Variants in PLXDC2 observed in about 807,000 individuals in gnomAD.
PLXDC2 encodes the protein plexin domain-containing protein 2.
A neutral mutation model predicts 68.9 loss-of-function variants in PLXDC2; 40 were observed. That is an observed-to-expected ratio of 0.58 (90% CI 0.45 to 0.76). The LOEUF (loss-of-function observed/expected upper bound fraction) is 0.76. PLXDC2 is among the 30% of genes least tolerant of loss of function. The pLI is 0.00. For missense variants in PLXDC2, 644 were observed against 661.9 expected (o/e 0.97, Z 0.30); for synonymous variants, 243 against 234.2 (o/e 1.04, Z -0.34).
At chr10:19,970,460 T>C (rs939538002) in intron 1 of PLXDC2, among the ~76,000 whole-genome samples, 2 of 152,218 alleles carry the variant, frequency 1.3e-5, no homozygotes, top group Middle Eastern at 3.2e-3. Flanking sequence ...ATAACTGTCA[T>C]GTGAACTTAA....
At chr10:19,999,620 G>T (rs1420886122) in intron 1 of PLXDC2, among the ~76,000 whole-genome samples, 1 of 152,080 alleles carries the variant, frequency 6.6e-6, no homozygotes, top group Non-Finnish European at 1.5e-5. Flanking sequence ...GCTATGTCAG[G>T]GGTGTAACTT....
intron 1 of PLXDC2, among the ~76,000 whole-genome samples, chr10:19,964,589 T>G (rs1480182185): frequency 6.6e-6 from 1 of 152,210 alleles, no homozygotes; most frequent in Non-Finnish European, 1.5e-5. Context: ...CTCTGAGCCT[T>G]GGGTGTGGGT....
Position 20,284,330 on chromosome 10 carries a change from T to TATATATATAAAC in PLXDC2, c.*4512_*4513insTATATATAAACA, listed in dbSNP as rs1484131963. 7.9e-6 allele frequency: 1 copy of TATATATATAAAC among 126,352 alleles called. No individual in the cohort carries two copies. The allele number at this position is 126,352 out of a possible 1,614,324, so 7.8% of individuals were successfully genotyped here. A position where few individuals can be genotyped will look rare whatever the true frequency, so the allele number is the denominator to read the frequency against. On this transcript the variant is annotated 3_prime_UTR_variant, in exon 14 of 14. Coordinates refer to ENST00000377252, the MANE Select transcript of PLXDC2 (RefSeq NM_032812.9). Reference sequence around the variant, plus strand: ...AAATATACATATATATATATATATATACACACACACACACACACACACAAA... The same window carrying TATATATATAAAC: ...AAATATACATATATATATATATATATATATATATAAACACACACACACACACACACACACAAA...
intron 1 of PLXDC2, among the ~76,000 whole-genome samples, chr10:19,869,475 G>T (rs1225330744): frequency 4.8e-5 from 6 of 125,988 alleles, no homozygotes; most frequent in Admixed American, 2.4e-4. Flanking sequence ...GAAAGGGGGG[G>T]GGGGGAGAGG....
chr10:20,113,264 G>A (rs1474363394), intron 4 of PLXDC2, among the ~76,000 whole-genome samples: 2 of 152,184 alleles, frequency 1.3e-5, no homozygotes, highest in African/African-American at 4.8e-5. Flanking sequence ...AATTGGGTTA[G>A]CTTTCTTAGC....
intron 2 of PLXDC2, among the ~76,000 whole-genome samples, chr10:20,044,247 T>G (rs942328690): frequency 8.2e-6 from 1 of 121,598 alleles, no homozygotes; most frequent in South Asian, 2.6e-4. Context: ...CTTTCTTTCT[T>G]TCTTTCTTTC....
intron 1 of PLXDC2, among the ~76,000 whole-genome samples, chr10:19,887,350 G>A (rs1317005628): frequency 6.6e-6 from 1 of 152,050 alleles, no homozygotes; most frequent in Non-Finnish European, 1.5e-5. Context: ...GCAAAACCCT[G>A]TCTCTACTAA....
intron 7 of PLXDC2, among the ~76,000 whole-genome samples, chr10:20,172,628 A>G (rs925919246): frequency 3.3e-5 from 5 of 152,174 alleles, no homozygotes; most frequent in East Asian, 3.9e-4. Flanking sequence ...TCTTGGGAAC[A>G]TTTCAAGTCC....
intron 4 of PLXDC2, among the ~76,000 whole-genome samples, chr10:20,108,482 A>G (rs1554767013): frequency 6.6e-6 from 1 of 152,176 alleles, no homozygotes; most frequent in Non-Finnish European, 1.5e-5. Flanking sequence ...CCTTTTCGCA[A>G]TATCATCTGT....
At chr10:20,047,086 C>T (rs777835039) in intron 3 of PLXDC2, 71 bp downstream of exon 3, 2 of 1,417,148 alleles carry the variant, frequency 1.4e-6, no homozygotes, top group Non-Finnish European at 1.9e-6. Context: ...GGCCTACAAC[C>T]ATTTCTTTTA....
chr10:20,001,930 A>G lies in PLXDC2; in HGVS notation c.268A>G (p.Arg90Gly), dbSNP rs1335968775. ...CGTCGGCCAAGACTCTCCTGAGCCC[A>G]GAAGCTTCACAGACCTGCTGCTGGA... ...ASVGQDSPEPRSFTDLLLDDG... is the reference protein window; with the variant it reads ...ASVGQDSPEPGSFTDLLLDDG... Residue 90 changes from arginine (R) to glycine (G), a missense_variant, in exon 2 of 14, where the codon AGA becomes GGA. This residue lies in a region of PLXDC2 where 201 missense variants were observed against 166.9 expected (regional missense o/e 1.20). Transcript: ENST00000377252. The G allele has an allele frequency of 1.9e-6, 3 of 1,613,310 alleles. No homozygotes were observed. The highest frequency in any genetic ancestry group is 2.5e-6 in the Non-Finnish European group (3 of 1,179,980).
intron 1 of PLXDC2, among the ~76,000 whole-genome samples, chr10:19,905,126 C>T (rs1413643768): frequency 6.6e-6 from 1 of 152,218 alleles, no homozygotes; most frequent in Admixed American, 6.5e-5. Flanking sequence ...GGAAACAGAA[C>T]CTCGTGTGCT....
At chr10:19,914,870 C>T (rs910403112) in intron 1 of PLXDC2, among the ~76,000 whole-genome samples, 2 of 152,098 alleles carry the variant, frequency 1.3e-5, no homozygotes, top group Admixed American at 1.3e-4. Flanking sequence ...CTTTCTGTCT[C>T]TGGTAATTTT....
At chr10:20,068,141 AT>A in intron 3 of PLXDC2, 28 bp from the exon 4 acceptor site, 1 of 1,582,612 alleles carries the variant, frequency 6.3e-7, no homozygotes. Context: ...CACATTATTG[AT>A]TTTTTTCTCT....
chr10:20,008,780 G>C (rs1172916619), intron 2 of PLXDC2, among the ~76,000 whole-genome samples: 2 of 152,096 alleles, frequency 1.3e-5, no homozygotes, highest in Non-Finnish European at 2.9e-5. Flanking sequence ...ATAGGGGCAG[G>C]CTCTTCCCAT....
In PLXDC2 at chr10:20,287,127, A is replaced by G. The variant is rs940742083; in HGVS notation, c.*7308A>G. On this transcript the variant is annotated 3_prime_UTR_variant, in exon 14 of 14. Transcript: ENST00000377252. ...CAGACACTGGGGCACATATTCTGCA[A>G]GCAATGCTGAGACCCCTGACATAGA... 10 of 152,282 alleles carry G rather than the reference A, an allele frequency of 6.6e-5. No homozygotes were observed. The highest frequency in any genetic ancestry group is 1.3e-4 in the Non-Finnish European group (9 of 68,084). 9.4% of individuals were successfully genotyped at this position (152,282 alleles called of 1,614,324 possible).
intron 2 of PLXDC2, among the ~76,000 whole-genome samples, chr10:20,004,057 A>T (rs1027886572): frequency 1.3e-5 from 2 of 152,196 alleles, no homozygotes; most frequent in African/African-American, 4.8e-5. Context: ...ACTGCACCAC[A>T]ATCCCTGAAA....
At chr10:20,248,075 C>T (rs998380345) in intron 13 of PLXDC2, among the ~76,000 whole-genome samples, 3 of 152,162 alleles carry the variant, frequency 2.0e-5, no homozygotes, top group East Asian at 1.9e-4. Context: ...CTGCTACTGC[C>T]GTAACCCCTC....
At chr10:20,118,015 C>A (rs1833644484) in intron 4 of PLXDC2, among the ~76,000 whole-genome samples, 1 of 151,792 alleles carries the variant, frequency 6.6e-6, no homozygotes, top group African/African-American at 2.4e-5. Flanking sequence ...TTTAACATGC[C>A]ATCTCTTTCT....
Sources: gnomAD v4.1 joint callset for allele counts (sites outside exome capture counted in the v4.1 genomes callset) on GRCh38, gnomAD v4.1.1 for gene constraint, gnomAD v4.1.1 regional missense constraint, MANE v1.5 for transcripts, NCBI Gene and HGNC (gene_info 2026-07-23, HGNC 2026-07-21) for gene names.